BCL7B: variants seen among roughly 807,000 people sequenced by gnomAD.
BCL7B encodes the protein B-cell CLL/lymphoma 7 protein family member B.
Under a neutral mutation model 26.5 loss-of-function variants are expected in BCL7B, and 11 were observed. The ratio of observed to expected loss-of-function variants is 0.42; its 90% CI spans 0.26 to 0.69. The LOEUF (loss-of-function observed/expected upper bound fraction) is 0.69, where lower values mean the gene tolerates loss of function less well. Ranked by LOEUF, BCL7B falls within the 30% of genes least tolerant of loss-of-function variation. The pLI, the probability that BCL7B is intolerant of heterozygous loss-of-function variation, is 0.28. For missense variants in BCL7B, 215 were observed against 264.4 expected, an observed-to-expected ratio of 0.81 and a Z score of 1.30; for synonymous variants, 111 against 107.9, an observed-to-expected ratio of 1.03 and a Z score of -0.18.
intron 2 of BCL7B, among the ~76,000 whole-genome samples, chr7:73,548,620 AAAT>A (rs1304479794): frequency 6.6e-6 from 1 of 151,760 alleles, no homozygotes. Flanking sequence ...GTGTCTTACA[AAAT>A]AATAATAATA....
At chr7:73,552,448 G>C (rs1337591505) in intron 1 of BCL7B, among the ~76,000 whole-genome samples, 3 of 151,744 alleles carry the variant, frequency 2.0e-5, no homozygotes, top group African/African-American at 7.3e-5. Flanking sequence ...AGGAGGTTGA[G>C]AACAGCCTGG....
rs56111929 is a variant in BCL7B at position 73,540,829 on chromosome 7, CAAAAAAAAAAA to C, written c.266-788_266-778del. ...TGAGCAACAGAGCGAGACTCTGTCT[CAAAAAAAAAAA>C]AAAAAAAAAAAAAAAGAGTTACCAG... On this transcript the variant is annotated intron_variant, in intron 3 of 5. Coordinates refer to ENST00000223368, the MANE Select transcript of BCL7B (RefSeq NM_001707.4). 1.2e-3 allele frequency among the ~76,000 whole-genome samples: 60 copies of C among 50,942 alleles called. 1 individual carries two copies. Among genetic ancestry groups the C allele is most frequent in the Admixed American group, 2.5e-3 (7 of 2,856 alleles). 33.4% of individuals were successfully genotyped at this position (50,942 alleles called of 152,430 possible). A position where few individuals can be genotyped will look rare whatever the true frequency, so the allele number is the denominator to read the frequency against.
intron 1 of BCL7B, among the ~76,000 whole-genome samples, chr7:73,555,754 A>G (rs149166342): frequency 6.6e-6 from 1 of 152,288 alleles, no homozygotes; most frequent in East Asian, 1.9e-4. Context: ...CACATTTTAT[A>G]TATTTTTTTA....
intron 3 of BCL7B, among the ~76,000 whole-genome samples, chr7:73,542,087 C>T (rs1326957477): frequency 6.6e-6 from 1 of 152,240 alleles, no homozygotes; most frequent in Non-Finnish European, 1.5e-5. Flanking sequence ...CCTGTGCACG[C>T]CTGCATTTAT....
intron 4 of BCL7B, 83 bp downstream of exon 4, chr7:73,539,799 C>G: frequency 6.6e-7 from 1 of 1,525,778 alleles, no homozygotes; most frequent in Non-Finnish European, 8.8e-7. Context: ...CTCTCTCGAG[C>G]CTGTTACTCT....
chr7:73,546,881 T>G (rs377514161), intron 2 of BCL7B, among the ~76,000 whole-genome samples: 52 of 152,018 alleles, frequency 3.4e-4, no homozygotes, highest in African/African-American at 1.1e-3. Context: ...AATAAAGCAG[T>G]TGGCCAGGCG....
At chr7:73,537,414 T>A (rs781968905) in intron 5 of BCL7B, 24 bp from the exon 6 acceptor site, 4 of 1,596,446 alleles carry the variant, frequency 2.5e-6, no homozygotes, top group Non-Finnish European at 3.4e-6. Flanking sequence ...GAGCATGGAA[T>A]GCCAGGGCCA....
intron 2 of BCL7B, 79 bp from the exon 3 acceptor site, chr7:73,543,723 AC>A: frequency 8.7e-7 from 1 of 1,144,732 alleles, no homozygotes; most frequent in Non-Finnish European, 1.3e-6. Flanking sequence ...TATGTGACAG[AC>A]CACAGAGGTC....
intron 2 of BCL7B, among the ~76,000 whole-genome samples, chr7:73,549,840 AT>A (rs1554583909): frequency 1.3e-5 from 2 of 152,166 alleles, no homozygotes; most frequent in Non-Finnish European, 2.9e-5. Flanking sequence ...TGGAAAAAAA[AT>A]CTCAAAAATA....
At chr7:73,539,824 A>C in intron 4 of BCL7B, 58 bp downstream of exon 4, 1 of 1,585,574 alleles carries the variant, frequency 6.3e-7, no homozygotes, top group Non-Finnish European at 8.6e-7. Flanking sequence ...ACGAGACACA[A>C]CAAGAGCAGA....
intron 1 of BCL7B, among the ~76,000 whole-genome samples, chr7:73,553,109 T>C (rs1156852842): frequency 6.7e-6 from 1 of 148,568 alleles, no homozygotes; most frequent in Non-Finnish European, 1.5e-5. Context: ...TTTGTAGAGA[T>C]GGTTGGGGTG....
rs1243942030 is a variant in BCL7B, at chr7:73,539,776, T to C, written c.436+106A>G. 2.2e-6 allele frequency: 3 copies of C among 1,342,122 alleles called. No individual in the cohort carries two copies. In the Admixed American group the frequency reaches 6.7e-5, roughly 30 times the overall value. The allele number at this position is 1,342,122 out of a possible 1,614,324, so 83.1% of individuals were successfully genotyped here. A position where few individuals can be genotyped will look rare whatever the true frequency, so the allele number is the denominator to read the frequency against. ...TATCGAGAAAGGGCTTGGTGCTGCC[T>C]GGCTCTGAGGTGCTCTCTCGAGCCT... is the stretch of plus-strand genomic sequence containing the variant. On this transcript the variant is annotated intron_variant, in intron 4 of 5. Coordinates refer to ENST00000223368, the MANE Select transcript of BCL7B (RefSeq NM_001707.4).
intron 1 of BCL7B, among the ~76,000 whole-genome samples, chr7:73,552,974 T>C (rs1792234455): frequency 6.6e-6 from 1 of 151,926 alleles, no homozygotes; most frequent in Non-Finnish European, 1.5e-5. Context: ...CAGGCTGGAG[T>C]GAAGTGGCAC....
At chr7:73,540,094 A>G (rs1791699656) in intron 3 of BCL7B, 42 bp from the exon 4 acceptor site, 19 of 1,588,514 alleles carry the variant, frequency 1.2e-5, no homozygotes, top group Non-Finnish European at 1.5e-5. Flanking sequence ...GAGCGTGGTC[A>G]TTTTCCTCAA....
intron 3 of BCL7B, 64 bp downstream of exon 3, chr7:73,543,484 T>A (rs1193849939): frequency 6.7e-7 from 1 of 1,489,538 alleles, no homozygotes; most frequent in African/African-American, 1.4e-5. Flanking sequence ...GGCCAATTCT[T>A]CTTATTAATG....
At chr7:73,550,633 ATTTTTTTTTTG>A (rs1300624267) in intron 2 of BCL7B, among the ~76,000 whole-genome samples, 4 of 42,244 alleles carry the variant, frequency 9.5e-5, no homozygotes, top group Admixed American at 3.1e-4. Context: ...TACTGTACAT[ATTTTTTTTTTG>A]TTTTTTTTTT....
rs565779794 is a variant in BCL7B at position 73,557,669 on chromosome 7, G to A, written c.-91C>T. On this transcript the variant is annotated 5_prime_UTR_variant, in exon 1 of 6. Coordinates refer to ENST00000223368, the MANE Select transcript of BCL7B (RefSeq NM_001707.4). ...GCGCCGCCGCCCGCCCGCCGCCGCCGCAGCGTCACAGCGGCCGTCGCCCCC... is the reference window on the plus strand; with the variant it reads ...GCGCCGCCGCCCGCCCGCCGCCGCCACAGCGTCACAGCGGCCGTCGCCCCC... 201 of 753,028 alleles carry A rather than the reference G, an allele frequency of 2.7e-4. 1 individual carries two copies. The East Asian group carries it at 0.012, about 44-fold the overall frequency. 46.6% of individuals were successfully genotyped at this position (753,028 alleles called of 1,614,324 possible). A position where few individuals can be genotyped will look rare whatever the true frequency, so the allele number is the denominator to read the frequency against.
chr7:73,538,881 C>T (rs190277887), intron 4 of BCL7B, among the ~76,000 whole-genome samples: 1 of 149,370 alleles, frequency 6.7e-6, no homozygotes, highest in East Asian at 2.0e-4. Flanking sequence ...AGCATAAATG[C>T]TGAAAATAGA....
At chr7:73,540,094 AT>A in intron 3 of BCL7B, 42 bp from the exon 4 acceptor site, 1 of 1,588,512 alleles carries the variant, frequency 6.3e-7, no homozygotes. Context: ...GAGCGTGGTC[AT>A]TTTCCTCAAG....
Sources: allele counts gnomAD v4.1 joint callset (sites outside exome capture counted in the v4.1 genomes callset), GRCh38; gene constraint gnomAD v4.1.1; transcripts MANE v1.5; gene names NCBI Gene and HGNC (gene_info 2026-07-23, HGNC 2026-07-21).